MTO1: variants seen among roughly 807,000 people sequenced by gnomAD.
MTO1 encodes the protein 5-taurinomethyluridine-[tRNA] synthase subunit MTO1, mitochondrial.
In MTO1, 46 loss-of-function variants were observed where a neutral mutation model predicts 71.6. That is an observed-to-expected ratio of 0.64 (90% confidence interval 0.51 to 0.82). The LOEUF (loss-of-function observed/expected upper bound fraction) is 0.82. Among genes scored for constraint, MTO1 ranks in the 40% least tolerant of loss-of-function variants. MTO1 has a pLI of 0.00. For missense variants in MTO1, 773 were observed against 867.5 expected, an observed-to-expected ratio of 0.89 and a Z score of 1.37; for synonymous variants, 297 against 312.1, an observed-to-expected ratio of 0.95 and a Z score of 0.51.
chr6:73,465,609 G>C (rs1021595164), intron 1 of MTO1, among the ~76,000 whole-genome samples: 1 of 152,090 alleles, frequency 6.6e-6, no homozygotes, highest in African/African-American at 2.4e-5. Flanking sequence ...GGTTTAGAAA[G>C]GTTTCATGGG....
intron 4 of MTO1, among the ~76,000 whole-genome samples, chr6:73,477,843 A>G (rs1052056808): frequency 3.3e-5 from 5 of 152,046 alleles, no homozygotes; most frequent in Non-Finnish European, 5.9e-5. Context: ...AGGGTCATGC[A>G]TTGCGTTTAA....
At chr6:73,500,432 A>G in intron 11 of MTO1, 142 bp from the exon 12 acceptor site, 1 of 623,860 alleles carries the variant, frequency 1.6e-6, no homozygotes, top group Non-Finnish European at 2.4e-6. Flanking sequence ...CTTTACAAGG[A>G]AATATGTTAA....
intron 1 of MTO1, chr6:73,464,178 A>T (rs1447307702): frequency 6.6e-6 from 1 of 152,174 alleles, no homozygotes; most frequent in African/African-American, 2.4e-5. Context: ...CCATATTTTT[A>T]AAAAATAATA....
In MTO1 at chr6:73,500,700, T is replaced by G. The variant is rs140592470; in HGVS notation, c.2044T>G (p.Cys682Gly). Residue 682 changes from cysteine to glycine, a missense_variant, in exon 12 of 12, where the codon TGT (cysteine) becomes GGT (glycine). Physicochemically the swap from Cys to Gly is radical, Grantham distance 159. Coordinates refer to ENST00000498286, the MANE Select transcript of MTO1 (RefSeq NM_012123.4). ...ATCATCCAAGACTGATCAATACTTA[T>G]GTGATGCAGACAGACTTCAAGAGAG... ...NESSKTDQYL[C>G]DADRLQEREL 2 of 1,607,644 alleles carry G rather than the reference T, an allele frequency of 1.2e-6. No individual in the cohort carries two copies. Among genetic ancestry groups the G allele is most frequent in the Admixed American group, 1.7e-5 (1 of 58,798 alleles).
In MTO1 at chr6:73,500,716, T is replaced by A; in HGVS notation, c.2060T>A (p.Leu687His). 1.3e-6 allele frequency: 2 copies of A among 1,593,078 alleles called. No individual in the cohort carries two copies. Among genetic ancestry groups the A allele is most frequent in the Non-Finnish European group, 1.7e-6 (2 of 1,171,748 alleles). The change falls in exon 12 of 12, where the codon CTT becomes CAT. Residue 687 changes from leucine (L) to histidine (H), a missense_variant. Physicochemically the swap from Leu to His is moderately conservative, Grantham distance 99 (BLOSUM62 -3). Coordinates refer to ENST00000498286, the MANE Select transcript of MTO1 (RefSeq NM_012123.4). ...TDQYLCDADR[L>H]QEREL ...CAATACTTATGTGATGCAGACAGAC[T>A]TCAAGAGAGAGAGTTATAGCTTTCA...
At chr6:73,497,979 C>A in intron 11 of MTO1, 83 bp downstream of exon 11, 1 of 1,186,014 alleles carries the variant, frequency 8.4e-7, no homozygotes, top group Non-Finnish European at 1.2e-6. Flanking sequence ...GTTATAATGG[C>A]CATATAACTA....
chr6:73,478,398 A>G (rs1771390573), intron 4 of MTO1, among the ~76,000 whole-genome samples: 2 of 151,830 alleles, frequency 1.3e-5, no homozygotes, highest in African/African-American at 4.8e-5. Context: ...TGGGCAACAT[A>G]ATGAGACCCT....
chr6:73,494,184 G>A (rs1162460000), intron 10 of MTO1, among the ~76,000 whole-genome samples: 2 of 151,932 alleles, frequency 1.3e-5, no homozygotes, highest in Non-Finnish European at 2.9e-5. Flanking sequence ...GCAGTGAGCC[G>A]AGATCGCACC....
At chr6:73,467,614 A>AAATAAATAAAT (rs1771036511) in intron 3 of MTO1, among the ~76,000 whole-genome samples, 1 of 143,494 alleles carries the variant, frequency 7.0e-6, no homozygotes, top group Non-Finnish European at 1.5e-5. Context: ...ACTCTGTCTC[A>AAATAAATAAAT]AAATAAATAA....
intron 9 of MTO1, among the ~76,000 whole-genome samples, chr6:73,484,172 C>T (rs903120850): frequency 1.7e-4 from 26 of 152,192 alleles, no homozygotes; most frequent in African/African-American, 5.5e-4. Flanking sequence ...AAAGAATTTG[C>T]GTAATCATCT....
At chr6:73,492,117 A>G (rs1414032817) in intron 9 of MTO1, 117 bp from the exon 10 acceptor site, 6 of 676,776 alleles carry the variant, frequency 8.9e-6, no homozygotes, top group African/African-American at 1.9e-5. Flanking sequence ...AAAAAAAAAA[A>G]AGAAATAATC....
At chr6:73,469,347 G>A (rs918882879) in intron 3 of MTO1, among the ~76,000 whole-genome samples, 9 of 151,830 alleles carry the variant, frequency 5.9e-5, no homozygotes, top group Admixed American at 5.9e-4. Flanking sequence ...GCACTAGGTC[G>A]GGCATGGTGG....
chr6:73,495,562 TA>T (rs970332003), intron 10 of MTO1, among the ~76,000 whole-genome samples: 20 of 146,722 alleles, frequency 1.4e-4, no homozygotes, highest in South Asian at 6.4e-4. Flanking sequence ...TATCATGGCT[TA>T]AAAAAAAAAA....
chr6:73,482,690 G>C, intron 9 of MTO1, 70 bp downstream of exon 9: 2 of 1,329,698 alleles, frequency 1.5e-6, no homozygotes, highest in Non-Finnish European at 2.0e-6. Flanking sequence ...ATTTCATAGA[G>C]ACATTACCTA....
rs112028863 is a variant in MTO1 at position 73,495,084 on chromosome 6, A to G, written c.1757-2652A>G. On this transcript the variant is annotated intron_variant, in intron 10 of 11. Coordinates refer to ENST00000498286, the MANE Select transcript of MTO1 (RefSeq NM_012123.4). ...CAAGCGTGAGCCACCATACCCAGCC[A>G]GCATTTTTTTCAGTCCCACAAAGGC... 3.1e-3 allele frequency among the ~76,000 whole-genome samples: 468 copies of G among 152,170 alleles called. 1 individual carries two copies. Among genetic ancestry groups the G allele is most frequent in the African/African-American group, 0.01 (430 of 41,526 alleles).
At chr6:73,482,892 C>T (rs571927212) in intron 9 of MTO1, among the ~76,000 whole-genome samples, 122 of 149,492 alleles carry the variant, frequency 8.2e-4, no homozygotes, top group Non-Finnish European at 1.4e-3. Flanking sequence ...CCCGGGTTCG[C>T]GCCATTCTCC....
chr6:73,469,715 G>T (rs1434115785), intron 3 of MTO1, among the ~76,000 whole-genome samples: 1 of 151,732 alleles, frequency 6.6e-6, no homozygotes, highest in Admixed American at 6.6e-5. Context: ...TGGTGATTAA[G>T]ACTTGAACTG....
rs1770823394 is a variant in MTO1, at chr6:73,461,796, TA to T, written c.-57del. 2.6e-6 allele frequency: 4 copies of T among 1,558,972 alleles called. No homozygotes were observed. The highest frequency in any genetic ancestry group is 3.4e-5 in the Admixed American group (2 of 58,492). On this transcript the variant is annotated 5_prime_UTR_variant, in exon 1 of 12. An upstream open reading frame in the 5' UTR loses its in-frame stop. Transcript: ENST00000498286. ...GCCCTGCAGATTGTCTCTTGTTGCG[TA>T]AGTTTTTTTGACCGTCACTCGTGTC...
chr6:73,466,372 T>C lies in MTO1; in HGVS notation c.381T>C (p.Ala127=). ...RKGPAVWGLR[A]QIDRKLYKQN... ...GACCAGCTGTGTGGGGTCTGAGAGC[T>C]CAGATTGATAGGAAACTCTATAAAC... Residue 127 remains alanine, a synonymous_variant, in exon 2 of 12, where the codon GCT becomes GCC. Coordinates refer to ENST00000498286, the MANE Select transcript of MTO1 (RefSeq NM_012123.4). 1 of 1,614,110 alleles carries C rather than the reference T, an allele frequency of 6.2e-7. No homozygotes were observed. The highest frequency in any genetic ancestry group is 8.5e-7 in the Non-Finnish European group (1 of 1,180,030).
Sources: gnomAD v4.1 joint callset for allele counts (sites outside exome capture counted in the v4.1 genomes callset) on GRCh38, gnomAD v4.1.1 for gene constraint, MANE v1.5 for transcripts, NCBI Gene and HGNC (gene_info 2026-07-23, HGNC 2026-07-21) for gene names.